Variants in ADAMTS10 observed in about 807,000 individuals in gnomAD.
The protein encoded by ADAMTS10 is A disintegrin and metalloproteinase with thrombospondin motifs 10.
Under a neutral mutation model 135.9 loss-of-function variants are expected in ADAMTS10, and 48 were observed. That is an observed-to-expected ratio of 0.35 (90% CI 0.28 to 0.45). ADAMTS10 has a LOEUF of 0.45. Ranked by LOEUF, ADAMTS10 falls within the 20% of genes least tolerant of loss-of-function variation. ADAMTS10 has a pLI of 1.00. For missense variants in ADAMTS10, 1,131 were observed against 1,565.2 expected, an observed-to-expected ratio of 0.72 and a Z score of 4.68; for synonymous variants, 621 against 647.5, an observed-to-expected ratio of 0.96 and a Z score of 0.62.
chr19:8,596,847 C>T lies in ADAMTS10; in HGVS notation c.1040+140G>A. Reference sequence around the variant, plus strand: ...CCATTATTCTCAAGCAGCCCCTCCCCATCCCTGGCTCCCTCATGGGCAGCC... The same window carrying T: ...CCATTATTCTCAAGCAGCCCCTCCCTATCCCTGGCTCCCTCATGGGCAGCC... On this transcript the variant is annotated intron_variant, in intron 8 of 25. Coordinates refer to ENST00000597188, the MANE Select transcript of ADAMTS10 (RefSeq NM_030957.4). The surrounding 1 kb of genome is among the most constrained non-coding windows in gnomAD (Gnocchi z 7.2). 7.3e-7 allele frequency: 1 copy of T among 1,374,242 alleles called. No individual in the cohort carries two copies. The highest frequency in any genetic ancestry group is 1.0e-6 in the Non-Finnish European group (1 of 992,460). The allele number at this position is 1,374,242 out of a possible 1,614,324, so 85.1% of individuals were successfully genotyped here.
Position 8,596,615 on chromosome 19 carries a change from G to A in ADAMTS10, c.1041-30C>T, listed in dbSNP as rs782470930. 1 of 1,611,024 alleles carries A rather than the reference G, an allele frequency of 6.2e-7. No individual in the cohort carries two copies. ...AAAAGGAGACAGGGTCAGTGAGGGG[G>A]CTGGGCTGTCTCCCTAAGCCCTGCT... is the stretch of plus-strand genomic sequence containing the variant. On this transcript the variant is annotated intron_variant, in intron 8 of 25. Coordinates refer to ENST00000597188, the MANE Select transcript of ADAMTS10 (RefSeq NM_030957.4). The surrounding 1 kb of genome is among the most constrained non-coding windows in gnomAD (Gnocchi z 7.2).
rs1408749066 is a variant in ADAMTS10, at chr19:8,605,851, G to C, written c.-99-42C>G. On this transcript the variant is annotated intron_variant, in intron 2 of 25. Coordinates refer to ENST00000597188, the MANE Select transcript of ADAMTS10 (RefSeq NM_030957.4). This position sits in a 1 kb window ranked among gnomAD's most constrained non-coding sequence, Gnocchi z 7.7. ...AGGTAAGGGGGCGCCTGGTCCCGCT[G>C]TCCAGCACAACCAATGCCAAGGCCA... The C allele has an allele frequency of 4.1e-6, 6 of 1,459,706 alleles. No individual in the cohort carries two copies. In the East Asian group the frequency reaches 1.5e-4, roughly 36 times the overall value. The allele number at this position is 1,459,706 out of a possible 1,614,324, so 90.4% of individuals were successfully genotyped here. A position where few individuals can be genotyped will look rare whatever the true frequency, so the allele number is the denominator to read the frequency against.
rs1169856938 is a variant in ADAMTS10, at chr19:8,601,213, C to T, written c.593-68G>A. 7 of 1,531,290 alleles carry T rather than the reference C, an allele frequency of 4.6e-6. No homozygotes were observed. The South Asian group carries it at 8.1e-5, about 18-fold the overall frequency. The allele number at this position is 1,531,290 out of a possible 1,614,324, so 94.9% of individuals were successfully genotyped here. On this transcript the variant is annotated intron_variant, in intron 5 of 25. Coordinates refer to ENST00000597188, the MANE Select transcript of ADAMTS10 (RefSeq NM_030957.4). The surrounding 1 kb of genome is among the most constrained non-coding windows in gnomAD (Gnocchi z 4.6). Reference sequence around the variant, plus strand: ...GGACGCAGAGCTGCCTGACAACTGTCTTGTCCAACCTCTGACTGGCTACCT... The same window carrying T: ...GGACGCAGAGCTGCCTGACAACTGTTTTGTCCAACCTCTGACTGGCTACCT...
rs782656967 is a variant in ADAMTS10, at chr19:8,596,261, C to T, written c.1191-42G>A. On this transcript the variant is annotated intron_variant, in intron 10 of 25. Transcript: ENST00000597188. The surrounding 1 kb of genome is among the most constrained non-coding windows in gnomAD (Gnocchi z 7.2). ...CGGCTCTGCCGGGCGCTGAGGGACC[C>T]GCCCAGCTCCTCCCCTCCTCCCCCT... 8.1e-6 allele frequency: 13 copies of T among 1,612,714 alleles called. No homozygotes were observed. The highest frequency in any genetic ancestry group is 8.0e-5 in the African/African-American group (6 of 74,924).
At chr19:8,592,195 A>AGG (rs71179859) in intron 13 of ADAMTS10, 92 bp from the exon 14 acceptor site, 86 of 1,363,652 alleles carry the variant, frequency 6.3e-5, no homozygotes, top group Non-Finnish European at 7.4e-5. Flanking sequence ...CCAGCCAGAG[A>AGG]TATCAGCCTC....
At chr19:8,591,122 T>A (rs1361081030) in intron 15 of ADAMTS10, among the ~76,000 whole-genome samples, 1 of 151,872 alleles carries the variant, frequency 6.6e-6, no homozygotes, top group Non-Finnish European at 1.5e-5. Flanking sequence ...GTCACTGGGT[T>A]TGGTGAGAGG....
chr19:8,596,924 C>T lies in ADAMTS10; in HGVS notation c.1040+63G>A, dbSNP rs1278228363. On this transcript the variant is annotated intron_variant, in intron 8 of 25. Transcript: ENST00000597188. This position sits in a 1 kb window ranked among gnomAD's most constrained non-coding sequence, Gnocchi z 7.2. ...AGCAGAAGTGATCTCTGTTTGGACT[C>T]TCATGGTTCCCTGGACCATCTGTTT... 2 of 1,602,362 alleles carry T rather than the reference C, an allele frequency of 1.2e-6. No individual in the cohort carries two copies. Among genetic ancestry groups the T allele is most frequent in the African/African-American group, 2.7e-5 (2 of 74,836 alleles).
Position 8,595,991 on chromosome 19 carries a change from T to C in ADAMTS10, c.1337+82A>G, listed in dbSNP as rs2042599096. The stretch of plus-strand genomic sequence containing the variant: ...AGCTGGATGGGGGTCCCAGGGAGCA[T>C]CCCTGATTTCTATCGTCTCCCGTGT... On this transcript the variant is annotated intron_variant, in intron 11 of 25. Coordinates refer to ENST00000597188, the MANE Select transcript of ADAMTS10 (RefSeq NM_030957.4). 3 of 1,613,796 alleles carry C rather than the reference T, an allele frequency of 1.9e-6. No homozygotes were observed. The Admixed American group carries it at 5.0e-5, about 27-fold the overall frequency.
intron 6 of ADAMTS10, among the ~76,000 whole-genome samples, chr19:8,598,011 A>G (rs1162761533): frequency 2.6e-5 from 4 of 151,194 alleles, no homozygotes; most frequent in Non-Finnish European, 4.4e-5. Context: ...ACTGGGTTTC[A>G]CCATGTTGGC....
rs1555737152 is a variant in ADAMTS10, at chr19:8,586,327, C to G, written c.2530+17G>C. 6.2e-7 allele frequency: 1 copy of G among 1,613,460 alleles called. No homozygotes were observed. Among genetic ancestry groups the G allele is most frequent in the East Asian group, 2.2e-5 (1 of 44,858 alleles). ...TCAGCCCAGGTATCTTGTGCCTTCC[C>G]CCACCCCCGGCCTCACCGCCTGCAC... On this transcript the variant is annotated intron_variant, in intron 21 of 25. Coordinates refer to ENST00000597188, the MANE Select transcript of ADAMTS10 (RefSeq NM_030957.4).
chr19:8,609,883 C>A (rs2146113852), intron 1 of ADAMTS10, among the ~76,000 whole-genome samples: 1 of 152,096 alleles, frequency 6.6e-6, no homozygotes, highest in South Asian at 2.1e-4. Flanking sequence ...GACACACACG[C>A]CGACAGGCTC....
rs144596955 is a variant in ADAMTS10 at position 8,589,481 on chromosome 19, C to A, written c.2005G>T (p.Val669Leu). ...CATTCGCCACTGACGCAAATGTCCA[C>A]CGTGTCTGGACGGCAGGGTGTCCCG... ...VDGTPCRPDT[V>L]DICVSGECKH... is the part of the protein sequence containing the mutation. The change falls in exon 17 of 26, where the codon GTG becomes TTG. Residue 669 changes from valine to leucine, a missense_variant. Val to Leu is a conservative substitution (Grantham distance 32). Coordinates refer to ENST00000597188, the MANE Select transcript of ADAMTS10 (RefSeq NM_030957.4). 2.5e-6 allele frequency: 4 copies of A among 1,613,568 alleles called. No homozygotes were observed. The Admixed American group carries it at 6.7e-5, about 27-fold the overall frequency.
intron 12 of ADAMTS10, chr19:8,593,225 C>T: frequency 3.1e-6 from 1 of 319,194 alleles, no homozygotes; most frequent in South Asian, 3.5e-5. Flanking sequence ...AGTCTGTGCT[C>T]TAACGAACTT....
rs187310953 is a variant in ADAMTS10 at position 8,604,990 on chromosome 19, C to T, written c.435+22G>A. On this transcript the variant is annotated intron_variant, in intron 4 of 25. Transcript: ENST00000597188. ...CCAAACTTATGGGCATTTCCCCCCG[C>T]GTTCCAGAATCCTCAGCTCACCAGG... 264 of 1,577,026 alleles carry T rather than the reference C, an allele frequency of 1.7e-4. No individual in the cohort carries two copies. The East Asian group carries it at 4.0e-3, about 24-fold the overall frequency.
intron 6 of ADAMTS10, among the ~76,000 whole-genome samples, 169 bp downstream of exon 6, chr19:8,600,759 A>G (rs1451372720): frequency 4.6e-5 from 7 of 151,912 alleles, no homozygotes; most frequent in Non-Finnish European, 1.5e-5. Context: ...TGGCCTCCCG[A>G]AGTGCTGGGA....
At chr19:8,609,234 C>CTGTGTGTG (rs35269308) in intron 1 of ADAMTS10, among the ~76,000 whole-genome samples, 38 of 139,924 alleles carry the variant, frequency 2.7e-4, no homozygotes, top group Non-Finnish European at 3.4e-4. Context: ...GTGTGTGACC[C>CTGTGTGTG]TGTGTGTGTG....
rs782305515 is a variant in ADAMTS10 at position 8,589,354 on chromosome 19, G to A, written c.2046C>T (p.Cys682=). 1.4e-5 allele frequency: 23 copies of A among 1,612,020 alleles called. No individual in the cohort carries two copies. Among genetic ancestry groups the A allele is most frequent in the East Asian group, 2.2e-5 (1 of 44,882 alleles). Residue 682 remains cysteine, a synonymous_variant, in exon 18 of 26, where the codon TGC becomes TGT. Transcript: ENST00000597188. ...GCAGGTCGGAGCCCAGGACTCGGTC[G>A]CAGCCCACGTGCTGCGTGGAGAAGG... The part of the protein sequence containing the change: ...CVSGECKHVG[C]DRVLGSDLRE...
In ADAMTS10 at chr19:8,601,094, G is replaced by A. The variant is rs782497547; in HGVS notation, c.644C>T (p.Pro215Leu). The A allele has an allele frequency of 2.9e-5, 47 of 1,613,896 alleles. No individual in the cohort carries two copies. The highest frequency in any genetic ancestry group is 6.7e-5 in the East Asian group (3 of 44,890). ...RPWWLRTLKP[P>L]PARPLGNETE... The stretch of plus-strand genomic sequence containing the variant: ...TTCATTCCCCAGGGGCCTGGCAGGC[G>A]GTGGCTTCAAGGTCCGCAGCCACCA... The change falls in exon 6 of 26, where the codon CCG (proline) becomes CTG (leucine). Residue 215 changes from proline (P) to leucine (L), a missense_variant. Coordinates refer to ENST00000597188, the MANE Select transcript of ADAMTS10 (RefSeq NM_030957.4). This position sits in a 1 kb window ranked among gnomAD's most constrained non-coding sequence, Gnocchi z 4.6.
Position 8,595,789 on chromosome 19 carries a change from T to G in ADAMTS10, c.1452A>C (p.Gly484=). Residue 484 remains glycine, a synonymous_variant, in exon 12 of 26, where the codon GGA becomes GGC. Transcript: ENST00000597188. The part of the protein sequence containing the change: ...DADEQCRFQH[G]VKSRQCKYGE... Reference sequence around the variant, plus strand: ...CGTATTTACACTGACGCGATTTGACTCCATGCTGAAAGCGGCATTGCTCAT... The same window carrying G: ...CGTATTTACACTGACGCGATTTGACGCCATGCTGAAAGCGGCATTGCTCAT... 6.3e-7 allele frequency: 1 copy of G among 1,597,886 alleles called. No homozygotes were observed. The highest frequency in any genetic ancestry group is 8.5e-7 in the Non-Finnish European group (1 of 1,169,706).
Sources: gnomAD v4.1 joint callset for allele counts (sites outside exome capture counted in the v4.1 genomes callset) on GRCh38, gnomAD v4.1.1 for gene constraint, Gnocchi (gnomAD v3.1) non-coding constraint, MANE v1.5 for transcripts, NCBI Gene and HGNC (gene_info 2026-07-23, HGNC 2026-07-21) for gene names.